Variants in COX7B2 observed in about 807,000 individuals in gnomAD.
COX7B2 encodes the protein cytochrome c oxidase subunit 7B2.
For synonymous variants in COX7B2, 37 were observed against 32.1 expected, an observed-to-expected ratio of 1.15 and a Z score of -0.51; for missense variants, 109 against 95.9, an observed-to-expected ratio of 1.14 and a Z score of -0.57.
At chr4:46,807,187 G>GT (rs924822630) in intron 2 of COX7B2, among the ~76,000 whole-genome samples, 17 of 151,378 alleles carry the variant, frequency 1.1e-4, no homozygotes, top group African/African-American at 2.4e-4. Flanking sequence ...GTTATCTTTT[G>GT]TTTTTTTTAT....
intron 2 of COX7B2, among the ~76,000 whole-genome samples, chr4:46,782,787 C>CGCGA (rs1298744693): frequency 2.0e-5 from 3 of 152,124 alleles, no homozygotes; most frequent in African/African-American, 7.2e-5. Flanking sequence ...TAAGGCTCAC[C>CGCGA]GCGAAGGTCT....
intron 1 of COX7B2, among the ~76,000 whole-genome samples, chr4:46,868,039 C>CTT (rs1055548419): frequency 5.3e-5 from 8 of 152,074 alleles, no homozygotes; most frequent in African/African-American, 1.9e-4. Context: ...CTATTTATTA[C>CTT]TTATTCAATT....
intron 2 of COX7B2, among the ~76,000 whole-genome samples, chr4:46,823,945 C>G (rs1220872648): frequency 6.6e-6 from 1 of 151,278 alleles, no homozygotes; most frequent in Non-Finnish European, 1.5e-5. Flanking sequence ...CACAAATACC[C>G]AAAAGACAAT....
At chr4:46,822,124 G>C (rs1280179268) in intron 2 of COX7B2, among the ~76,000 whole-genome samples, 1 of 152,100 alleles carries the variant, frequency 6.6e-6, no homozygotes, top group African/African-American at 2.4e-5. Flanking sequence ...TGTTGGCCAG[G>C]ATAGTCTCCA....
At chr4:46,891,088 T>C (rs1208567580) in intron 1 of COX7B2, among the ~76,000 whole-genome samples, 1 of 152,210 alleles carries the variant, frequency 6.6e-6, no homozygotes, top group Non-Finnish European at 1.5e-5. Flanking sequence ...GTTTTGCCGA[T>C]GTGGGATGTG....
chr4:46,794,360 A>C (rs1046374411), intron 2 of COX7B2, among the ~76,000 whole-genome samples: 1 of 152,186 alleles, frequency 6.6e-6, no homozygotes, highest in African/African-American at 2.4e-5. Context: ...AACACGGACC[A>C]AAAGATGGTA....
chr4:46,785,017 G>A (rs557754406), intron 2 of COX7B2, among the ~76,000 whole-genome samples: 11 of 152,258 alleles, frequency 7.2e-5, no homozygotes, highest in African/African-American at 2.4e-4. Context: ...AATCTGGCAT[G>A]AAATTACAAA....
rs1718214954 is a variant in COX7B2 at position 46,874,703 on chromosome 4, T to A, written c.-104-29689A>T. On this transcript the variant is annotated intron_variant, in intron 1 of 2. Coordinates refer to ENST00000355591, the MANE Select transcript of COX7B2 (RefSeq NM_130902.3). ...ACAATATTTATCTATGTAGACTAGA[T>A]AAACTACTTTAAAATGTCAGGAAAA... Among the ~76,000 whole-genome samples, 3 of 152,140 alleles carry A rather than the reference T, an allele frequency of 2.0e-5. No individual in the cohort carries two copies. In the South Asian group the frequency reaches 6.2e-4, roughly 31 times the overall value.
chr4:46,754,578 T>G (rs1715636199), intron 2 of COX7B2, among the ~76,000 whole-genome samples: 2 of 143,976 alleles, frequency 1.4e-5, no homozygotes, highest in Admixed American at 6.9e-5. Flanking sequence ...CATTAGGAGA[T>G]ATACCTAATG....
chr4:46,799,421 G>A (rs1718534793), intron 2 of COX7B2, among the ~76,000 whole-genome samples: 1 of 152,026 alleles, frequency 6.6e-6, no homozygotes, highest in Admixed American at 6.6e-5. Context: ...GCGAGGGTGG[G>A]CATCCTTGTC....
At chr4:46,872,135 G>A (rs925142628) in intron 1 of COX7B2, among the ~76,000 whole-genome samples, 5 of 152,152 alleles carry the variant, frequency 3.3e-5, no homozygotes, top group African/African-American at 1.2e-4. Context: ...GGAATACTAT[G>A]CAGCCATAAA....
rs532186012 is a variant in COX7B2, at chr4:46,756,728, G to T, written c.-49-21487C>A. 3.9e-5 allele frequency among the ~76,000 whole-genome samples: 6 copies of T among 151,940 alleles called. No individual in the cohort carries two copies. In the East Asian group the frequency reaches 1.2e-3, roughly 29 times the overall value. ...TCACTAGTCATCAGAGAAATGCAAAGAAAAACCATAATGAGATACTATCGT... is the reference window on the plus strand; with the variant it reads ...TCACTAGTCATCAGAGAAATGCAAATAAAAACCATAATGAGATACTATCGT... On this transcript the variant is annotated intron_variant, in intron 2 of 2. Coordinates refer to ENST00000355591, the MANE Select transcript of COX7B2 (RefSeq NM_130902.3).
rs1289977059 is a variant in COX7B2, at chr4:46,832,202, C to T, written c.-50+12758G>A. ...CTGCTAACTCTTTGGGTCCACACTG[C>T]CTTTATGAGCTGCAACACTCACTGC... On this transcript the variant is annotated intron_variant, in intron 2 of 2. Transcript: ENST00000355591. 2.6e-5 allele frequency among the ~76,000 whole-genome samples: 4 copies of T among 152,132 alleles called. No individual in the cohort carries two copies. In the South Asian group the frequency reaches 6.2e-4, roughly 24 times the overall value.
chr4:46,893,410 A>G (rs567397413), intron 1 of COX7B2, among the ~76,000 whole-genome samples: 1 of 152,320 alleles, frequency 6.6e-6, no homozygotes, highest in African/African-American at 2.4e-5. Context: ...ATTATAAAAT[A>G]TCCATTTGCA....
chr4:46,851,063 A>T (rs751801865), intron 1 of COX7B2, among the ~76,000 whole-genome samples: 1 of 152,078 alleles, frequency 6.6e-6, no homozygotes, highest in Admixed American at 6.6e-5. Context: ...TTACCGGGGA[A>T]CAAAGGCTTA....
intron 2 of COX7B2, among the ~76,000 whole-genome samples, chr4:46,738,676 C>G (rs887926195): frequency 1.3e-5 from 2 of 151,984 alleles, no homozygotes; most frequent in African/African-American, 4.8e-5. Flanking sequence ...AGAACTAAAG[C>G]TACAGGTTCT....
chr4:46,899,128 TCTC>T (rs956038319), intron 1 of COX7B2, among the ~76,000 whole-genome samples: 2 of 152,282 alleles, frequency 1.3e-5, no homozygotes, highest in Non-Finnish European at 2.9e-5. Context: ...TCATTATCCT[TCTC>T]CTCTACTAAA....
At chr4:46,834,353 T>C (rs1242324483) in intron 2 of COX7B2, among the ~76,000 whole-genome samples, 1 of 152,064 alleles carries the variant, frequency 6.6e-6, no homozygotes, top group Non-Finnish European at 1.5e-5. Flanking sequence ...AAACAGTATC[T>C]ATCTCGAATG....
At chr4:46,847,735 A>T (rs1371810618) in intron 1 of COX7B2, among the ~76,000 whole-genome samples, 1 of 152,110 alleles carries the variant, frequency 6.6e-6, no homozygotes, top group African/African-American at 2.4e-5. Flanking sequence ...GTGAGGTAAG[A>T]GGAAAACCAA....
Sources: allele counts gnomAD v4.1 joint callset (sites outside exome capture counted in the v4.1 genomes callset), GRCh38; gene constraint gnomAD v4.1.1; transcripts MANE v1.5; gene names NCBI Gene and HGNC (gene_info 2026-07-23, HGNC 2026-07-21).